PCDH15: variants seen among roughly 807,000 people sequenced by gnomAD.
PCDH15 encodes protocadherin related 15.
A neutral mutation model predicts 178.5 loss-of-function variants in PCDH15; 129 were observed. The ratio of observed to expected loss-of-function variants is 0.72; its 90% CI spans 0.63 to 0.84. The LOEUF is 0.84. Ranked by LOEUF, PCDH15 falls within the 40% of genes least tolerant of loss-of-function variation. PCDH15 has a pLI of 0.00. For missense variants in PCDH15, 2,230 were observed against 2,099.9 expected (o/e 1.06, Z -1.21); for synonymous variants, 800 against 732.0 (o/e 1.09, Z -1.50).
intron 2 of PCDH15, among the ~76,000 whole-genome samples, chr10:55,368,009 T>G (rs930281220): frequency 2.0e-5 from 3 of 152,162 alleles, no homozygotes; most frequent in African/African-American, 7.2e-5. Context: ...CAGATAAATA[T>G]TAAAACTACT....
chr10:54,588,916 C>G (rs769753861), intron 2 of PCDH15, among the ~76,000 whole-genome samples: 1 of 151,954 alleles, frequency 6.6e-6, no homozygotes, highest in Non-Finnish European at 1.5e-5. Flanking sequence ...TGGCTGCTAG[C>G]TAGTGGAAAA....
chr10:55,582,628 A>ATATATATATT (rs780312007), intron 2 of PCDH15, among the ~76,000 whole-genome samples: 8 of 69,036 alleles, frequency 1.2e-4, no homozygotes, highest in Admixed American at 2.1e-4. Context: ...ATATATATAT[A>ATATATATATT]TTTTTTTTTT....
chr10:54,213,873 T>C, intron 10 of PCDH15, 63 bp downstream of exon 10: 6 of 1,057,754 alleles, frequency 5.7e-6, no homozygotes, highest in Non-Finnish European at 8.8e-6. Flanking sequence ...TACAGTAGCG[T>C]CTACAGATTT....
chr10:54,023,312 T>G (rs1373840733), intron 18 of PCDH15, 115 bp from the exon 19 acceptor site: 1 of 924,132 alleles, frequency 1.1e-6, no homozygotes, highest in Admixed American at 2.1e-5. Flanking sequence ...TATTTGGCCC[T>G]CTAAGGAGGA....
intron 2 of PCDH15, among the ~76,000 whole-genome samples, chr10:55,139,805 C>A (rs943215999): frequency 4.6e-5 from 7 of 151,762 alleles, no homozygotes; most frequent in African/African-American, 1.7e-4. Context: ...ATCATTTAAT[C>A]TATATAATAT....
chr10:55,351,547 AT>A (rs1476134441), intron 2 of PCDH15, among the ~76,000 whole-genome samples: 1 of 152,162 alleles, frequency 6.6e-6, no homozygotes, highest in Admixed American at 6.6e-5. Context: ...CTCTGATAAA[AT>A]TAAGTCTTTA....
chr10:54,412,257 T>G (rs1463401052), intron 3 of PCDH15, among the ~76,000 whole-genome samples: 1 of 149,028 alleles, frequency 6.7e-6, no homozygotes, highest in African/African-American at 2.4e-5. Context: ...TATTTATATT[T>G]TAATATATAT....
chr10:53,827,519 C>T lies in PCDH15; in HGVS notation c.4241G>A (p.Arg1414Gln), dbSNP rs866920137. The T allele has an allele frequency of 1.2e-6, 2 of 1,614,080 alleles. No homozygotes were observed. Among genetic ancestry groups the T allele is most frequent in the South Asian group, 1.1e-5 (1 of 91,082 alleles). Residue 1414 changes from arginine to glutamine, a missense_variant, in exon 32 of 38, where the codon CGA (arginine) becomes CAA (glutamine). Coordinates refer to ENST00000644397, the MANE Select transcript of PCDH15 (RefSeq NM_001384140.1). ...VRQAECTKTA[R>Q]IQAALPAAKP... is the part of the protein sequence containing the mutation. The stretch of plus-strand genomic sequence containing the variant: ...AGCCGCGGGTAATGCGGCCTGAATT[C>T]GTGCAGTCTTTGTACACTCAGCTTG...
chr10:55,178,308 C>G (rs1245687878), intron 1 of PCDH15, among the ~76,000 whole-genome samples: 1 of 152,104 alleles, frequency 6.6e-6, no homozygotes, highest in African/African-American at 2.4e-5. Context: ...CTTGAGGCCT[C>G]TAATCTGGGA....
intron 3 of PCDH15, among the ~76,000 whole-genome samples, chr10:54,838,326 T>C (rs1354173618): frequency 6.6e-6 from 1 of 152,114 alleles, no homozygotes; most frequent in African/African-American, 2.4e-5. Context: ...GTTCTCGTGA[T>C]AGTAAGTGAG....
chr10:55,437,815 T>G (rs1839078034), intron 2 of PCDH15, among the ~76,000 whole-genome samples: 1 of 150,674 alleles, frequency 6.6e-6, no homozygotes, highest in Non-Finnish European at 1.5e-5. Context: ...GACCAAATTG[T>G]CTTTCTTATT....
intron 2 of PCDH15, among the ~76,000 whole-genome samples, chr10:55,590,752 A>G (rs2132131396): frequency 6.6e-6 from 1 of 152,278 alleles, no homozygotes; most frequent in East Asian, 1.9e-4. Context: ...ACTTTATTAT[A>G]CAGCATCTGG....
At chr10:55,267,976 T>A (rs180982071) in intron 1 of PCDH15, among the ~76,000 whole-genome samples, 17,589 of 152,150 alleles carry the variant, frequency 0.12, 1,202 homozygotes, top group Non-Finnish European at 0.16. Flanking sequence ...TCCTTTTTAT[T>A]GTGTCTGAAA....
intron 8 of PCDH15, among the ~76,000 whole-genome samples, chr10:54,306,573 T>C (rs955537304): frequency 1.3e-5 from 2 of 152,038 alleles, no homozygotes; most frequent in African/African-American, 2.4e-5. Context: ...ACCGATATCA[T>C]AGATCCAAAG....
chr10:53,961,595 C>T (rs1050140198), intron 22 of PCDH15, among the ~76,000 whole-genome samples, 157 bp downstream of exon 22: 2 of 150,934 alleles, frequency 1.3e-5, no homozygotes, highest in Admixed American at 1.3e-4. Flanking sequence ...TTTCTTTTTA[C>T]TATTTTTGTA....
intron 3 of PCDH15, among the ~76,000 whole-genome samples, chr10:54,410,531 A>G (rs539045183): frequency 6.6e-6 from 1 of 152,292 alleles, no homozygotes; most frequent in African/African-American, 2.4e-5. Flanking sequence ...TCTTGTAGAT[A>G]CTATATAAAA....
chr10:54,284,741 C>T lies in PCDH15; in HGVS notation c.876+32530G>A, dbSNP rs79593107. Among the ~76,000 whole-genome samples the T allele has an allele frequency of 2.4e-3, 368 of 152,232 alleles. 2 individuals are homozygous for T. The highest frequency in any genetic ancestry group is 6.8e-3 in the Middle Eastern group (2 of 294). The stretch of plus-strand genomic sequence containing the variant: ...ATGCAGTTATGCCATGCATAGCAAC[C>T]GCAGCAGGCCTTCCTCATTCCAATG... On this transcript the variant is annotated intron_variant, in intron 8 of 37. Transcript: ENST00000644397.
intron 9 of PCDH15, among the ~76,000 whole-genome samples, chr10:54,217,758 A>T (rs1361282757): frequency 1.3e-5 from 2 of 152,202 alleles, no homozygotes; most frequent in Non-Finnish European, 2.9e-5. Flanking sequence ...ACTATTTACC[A>T]ATAAAAGCAC....
chr10:54,511,529 T>A (rs1320633277), intron 3 of PCDH15, among the ~76,000 whole-genome samples: 1 of 152,190 alleles, frequency 6.6e-6, no homozygotes, highest in East Asian at 1.9e-4. Flanking sequence ...TGATTCATAT[T>A]GATTATTGTG....
Sources: allele counts gnomAD v4.1 joint callset (sites outside exome capture counted in the v4.1 genomes callset), GRCh38; gene constraint gnomAD v4.1.1; transcripts MANE v1.5; gene names NCBI Gene and HGNC (gene_info 2026-07-23, HGNC 2026-07-21).